The following COLGALT1 variants were observed in gnomAD, a reference collection of about 807,000 sequenced individuals.
COLGALT1 encodes collagen beta(1-O)galactosyltransferase 1.
A neutral mutation model predicts 60.8 loss-of-function variants in COLGALT1; 43 were observed. The observed-to-expected ratio is 0.71, with a 90% confidence interval of 0.55 to 0.91. The LOEUF (loss-of-function observed/expected upper bound fraction) is 0.91, where lower values mean the gene tolerates loss of function less well. Among genes scored for constraint, COLGALT1 ranks in the 40% least tolerant of loss-of-function variants. COLGALT1 has a pLI of 0.00. For synonymous variants in COLGALT1, 369 were observed against 374.2 expected, an observed-to-expected ratio of 0.99 and a Z score of 0.16; for missense variants, 845 against 880.0, an observed-to-expected ratio of 0.96 and a Z score of 0.50.
chr19:17,562,869 G>A (rs568896634), intron 3 of COLGALT1, among the ~76,000 whole-genome samples: 1 of 152,226 alleles, frequency 6.6e-6, no homozygotes, highest in African/African-American at 2.4e-5. Flanking sequence ...CCACATCTAG[G>A]GAGGACGGAT....
rs2076380634 is a variant in COLGALT1, at chr19:17,581,304, T to C, written c.1729T>C (p.Trp577Arg). Residue 577 changes from tryptophan (W) to arginine (R), a missense_variant, in exon 12 of 12, where the codon TGG becomes CGG. Transcript: ENST00000252599. Reference protein sequence around the residue: ...YVSDTETSVVWNNEHVKTDWD... With the variant: ...YVSDTETSVVRNNEHVKTDWD... ...GAGTGACACCGAGACCTCAGTCGTA[T>C]GGAACAATGAGCACGTCAAGACCGA... The C allele has an allele frequency of 6.2e-7, 1 of 1,612,666 alleles. No homozygotes were observed. Among genetic ancestry groups the C allele is most frequent in the East Asian group, 2.2e-5 (1 of 44,804 alleles).
Position 17,565,269 on chromosome 19 carries a change from C to T in COLGALT1, c.490-2137C>T, listed in dbSNP as rs571633120. Among the ~76,000 whole-genome samples the T allele has an allele frequency of 4.6e-5, 7 of 152,144 alleles. No homozygotes were observed. The South Asian group carries it at 1.5e-3, about 32-fold the overall frequency. On this transcript the variant is annotated intron_variant, in intron 3 of 11. Transcript: ENST00000252599. ...CTCCTGGGTTCAAGCGATTCTCCTG[C>T]GTTAGTCTCCCGAGTAGCTGAAATT... is the stretch of plus-strand genomic sequence containing the variant.
intron 3 of COLGALT1, chr19:17,565,938 G>A (rs963942499): frequency 2.0e-5 from 3 of 152,150 alleles, no homozygotes; most frequent in African/African-American, 7.2e-5. Context: ...GTTGCCATGT[G>A]GAAATGGTAT....
intron 3 of COLGALT1, among the ~76,000 whole-genome samples, chr19:17,564,254 C>T (rs750850108): frequency 7.3e-5 from 11 of 150,558 alleles, no homozygotes; most frequent in Non-Finnish European, 1.5e-4. Flanking sequence ...TCTTAAGCTT[C>T]GTATATGTGT....
intron 9 of COLGALT1, among the ~76,000 whole-genome samples, chr19:17,579,190 A>G (rs1040934088): frequency 6.6e-6 from 1 of 151,428 alleles, no homozygotes; most frequent in Non-Finnish European, 1.5e-5. Flanking sequence ...AAAGAAAAAG[A>G]AAAGAAAAAC....
Position 17,578,007 on chromosome 19 carries a change from G to T in COLGALT1, c.1184G>T (p.Gly395Val). The T allele has an allele frequency of 3.1e-6, 5 of 1,612,616 alleles. No homozygotes were observed. Among genetic ancestry groups the T allele is most frequent in the Non-Finnish European group, 4.2e-6 (5 of 1,179,628 alleles). ...VEALGIQMLP[G>V]YRDPYHGRPL... ...GCGCTGGGGATCCAGATGCTGCCTG[G>T]CTACCGGGACCCCTACCACGGCCGG... The change falls in exon 9 of 12, where the codon GGC (glycine) becomes GTC (valine). Residue 395 changes from glycine to valine, a missense_variant. By Grantham distance (109) the Gly-to-Val change is moderately radical. Transcript: ENST00000252599.
chr19:17,577,975 G>C lies in COLGALT1; in HGVS notation c.1152G>C (p.Gln384His), dbSNP rs1287413685. The C allele has an allele frequency of 6.2e-7, 1 of 1,610,956 alleles. No homozygotes were observed. Among genetic ancestry groups the C allele is most frequent in the Non-Finnish European group, 8.5e-7 (1 of 1,179,064 alleles). The change falls in exon 9 of 12, where the codon CAG (glutamine) becomes CAC (histidine). Residue 384 changes from glutamine to histidine, a missense_variant. Gln to His is a conservative substitution (Grantham distance 24). Coordinates refer to ENST00000252599, the MANE Select transcript of COLGALT1 (RefSeq NM_024656.4). ...AVDGKAMNTS[Q>H]VEALGIQMLP... ...TCTCCAGAGCCATGAACACCAGCCA[G>C]GTGGAGGCGCTGGGGATCCAGATGC...
intron 8 of COLGALT1, among the ~76,000 whole-genome samples, 163 bp downstream of exon 8, chr19:17,577,630 G>A (rs1599794424): frequency 6.6e-6 from 1 of 152,144 alleles, no homozygotes; most frequent in East Asian, 1.9e-4. Context: ...GGGACCCTGG[G>A]GAAGGGGCAG....
chr19:17,567,863 C>A (rs2076288908), intron 4 of COLGALT1, among the ~76,000 whole-genome samples: 2 of 152,042 alleles, frequency 1.3e-5, no homozygotes, highest in South Asian at 4.1e-4. Context: ...GCATGAGAAT[C>A]ACTTGAACCC....
rs974585290 is a variant in COLGALT1, at chr19:17,579,201, T to G, written c.1267-281T>G. Among the ~76,000 whole-genome samples, 3 of 151,102 alleles carry G rather than the reference T, an allele frequency of 2.0e-5. No homozygotes were observed. The South Asian group carries it at 6.3e-4, about 32-fold the overall frequency. Reference sequence around the variant, plus strand: ...AAAAAAAGAAAAAGAAAAGAAAAACTTGTTATCGAATGTGAAGCCAAATGG... The same window carrying G: ...AAAAAAAGAAAAAGAAAAGAAAAACGTGTTATCGAATGTGAAGCCAAATGG... On this transcript the variant is annotated intron_variant, in intron 9 of 11. Transcript: ENST00000252599.
At chr19:17,577,557 G>C (rs1224550352) in intron 8 of COLGALT1, 90 bp downstream of exon 8, 1 of 1,203,470 alleles carries the variant, frequency 8.3e-7, no homozygotes, top group East Asian at 2.6e-5. Flanking sequence ...TTCAGATGGG[G>C]GCGGGCGTGG....
intron 11 of COLGALT1, 94 bp downstream of exon 11, chr19:17,580,999 C>A (rs2076377869): frequency 1.3e-6 from 2 of 1,488,064 alleles, no homozygotes; most frequent in African/African-American, 2.8e-5. Flanking sequence ...GAGAAGATGT[C>A]TCTTCTTTTG....
rs372306441 is a variant in COLGALT1 at position 17,580,801 on chromosome 19, C to T, written c.1497C>T (p.Tyr499=). 9.9e-6 allele frequency: 16 copies of T among 1,614,054 alleles called. No individual in the cohort carries two copies. Among genetic ancestry groups the T allele is most frequent in the East Asian group, 2.2e-5 (1 of 44,872 alleles). ...EADYSYWTLA[Y]VISLQGARKL... ...ACTATTCCTACTGGACCCTGGCCTA[C>T]GTGATCTCCCTGCAAGGCGCCCGCA... Residue 499 remains tyrosine (Y), a synonymous_variant, in exon 11 of 12, where the codon TAC becomes TAT. Coordinates refer to ENST00000252599, the MANE Select transcript of COLGALT1 (RefSeq NM_024656.4).
chr19:17,567,353 A>C, intron 3 of COLGALT1, 53 bp from the exon 4 acceptor site: 1 of 1,606,984 alleles, frequency 6.2e-7, no homozygotes, highest in Non-Finnish European at 8.5e-7. Context: ...AGCTGTTCTG[A>C]ATGGTAGCCT....
At chr19:17,565,604 A>G (rs2076275700) in intron 3 of COLGALT1, among the ~76,000 whole-genome samples, 1 of 150,500 alleles carries the variant, frequency 6.6e-6, no homozygotes, top group African/African-American at 2.4e-5. Context: ...TAGGAGGTGG[A>G]GGTTGCAGTG....
intron 8 of COLGALT1, 41 bp from the exon 9 acceptor site, chr19:17,577,916 A>T (rs1017122233): frequency 6.4e-7 from 1 of 1,572,132 alleles, no homozygotes; most frequent in Non-Finnish European, 8.7e-7. Context: ...AATGGCAGGC[A>T]GGGTGAACCT....
At chr19:17,556,483 C>T (rs916843467) in intron 1 of COLGALT1, 3 of 974,182 alleles carry the variant, frequency 3.1e-6, no homozygotes, top group African/African-American at 1.8e-5. Context: ...CAAACCCCTG[C>T]CCTCAGACCG....
intron 3 of COLGALT1, among the ~76,000 whole-genome samples, chr19:17,560,735 A>AT (rs1175243459): frequency 6.6e-6 from 1 of 151,002 alleles, no homozygotes; most frequent in East Asian, 2.0e-4. Context: ...GTCCATTTTT[A>AT]TTTTTTTATT....
Position 17,559,295 on chromosome 19 carries a change from T to A in COLGALT1, c.261-16T>A. On this transcript the variant is annotated splice_polypyrimidine_tract_variant and intron_variant, in intron 1 of 11. Coordinates refer to ENST00000252599, the MANE Select transcript of COLGALT1 (RefSeq NM_024656.4). ...TCAGTCTCCCCAAGTACGCTGCCTG[T>A]CCCCTCTCCCTGCAGGGTGGCTACG... is the stretch of plus-strand genomic sequence containing the variant. 6.5e-7 allele frequency: 1 copy of A among 1,544,286 alleles called. No homozygotes were observed. Among genetic ancestry groups the A allele is most frequent in the African/African-American group, 1.4e-5 (1 of 72,998 alleles).
Sources: allele counts gnomAD v4.1 joint callset (sites outside exome capture counted in the v4.1 genomes callset), GRCh38; gene constraint gnomAD v4.1.1; transcripts MANE v1.5; gene names NCBI Gene and HGNC (gene_info 2026-07-23, HGNC 2026-07-21).